Variants in MUC4 observed in about 807,000 individuals in gnomAD.
MUC4 encodes mucin-4.
Under a neutral mutation model 257.9 loss-of-function variants are expected in MUC4, and 202 were observed. That is an observed-to-expected ratio of 0.78 (90% CI 0.70 to 0.88). The LOEUF (loss-of-function observed/expected upper bound fraction) is 0.88. Among genes scored for constraint, MUC4 ranks in the 40% least tolerant of loss-of-function variants. The pLI, the probability that MUC4 is intolerant of heterozygous loss-of-function variation, is 0.00. For synonymous variants in MUC4, 2,351 were observed against 2,757.1 expected (o/e 0.85, Z 4.62); for missense variants, 5,976 against 6,513.7 (o/e 0.92, Z 2.84).
chr3:195,807,729 T>G lies in MUC4; in HGVS notation c.82+4007A>C, dbSNP rs149588544. Among the ~76,000 whole-genome samples, 241 of 152,320 alleles carry G rather than the reference T, an allele frequency of 1.6e-3. 1 individual carries two copies. The highest frequency in any genetic ancestry group is 3.8e-3 in the Admixed American group (58 of 15,296). ...CTCTGTGAGCTACACGATGTGCATA[T>G]TTTAAGCACTTAACAGCACCGTGAA... On this transcript the variant is annotated intron_variant, in intron 1 of 24. Transcript: ENST00000463781.
At chr3:195,763,027 G>A (rs1237460768) in intron 12 of MUC4, 82 bp from the exon 13 acceptor site, 1 of 1,167,170 alleles carries the variant, frequency 8.6e-7, no homozygotes, top group Non-Finnish European at 1.2e-6. Context: ...AGCCCCTGGG[G>A]CTGGAAGCTG....
At chr3:195,773,433 C>G (rs1346068657) in intron 4 of MUC4, among the ~76,000 whole-genome samples, 2 of 151,158 alleles carry the variant, frequency 1.3e-5, no homozygotes, top group African/African-American at 4.9e-5. Context: ...ACCTCTCTCT[C>G]ACTCAGCAGG....
intron 1 of MUC4, among the ~76,000 whole-genome samples, chr3:195,806,342 C>G (rs1415500413): frequency 4.6e-5 from 7 of 152,202 alleles, no homozygotes; most frequent in African/African-American, 1.7e-4. Context: ...TCACAGGGCC[C>G]TTCCTGACTT....
At chr3:195,776,008 A>C in intron 3 of MUC4, among the ~76,000 whole-genome samples, 1 of 42,728 alleles carries the variant, frequency 2.3e-5, no homozygotes, top group Admixed American at 1.9e-4. Flanking sequence ...TACCTTCCAC[A>C]CCCATACCTT....
intron 4 of MUC4, 36 bp downstream of exon 4, chr3:195,774,136 G>A (rs761508584): frequency 1.9e-6 from 3 of 1,570,658 alleles, no homozygotes; most frequent in Non-Finnish European, 2.6e-6. Flanking sequence ...GTGGGCCCTG[G>A]GAGTTCAGGC....
In MUC4 at chr3:195,788,797, G is replaced by C. The variant is rs1560395321; in HGVS notation, c.2783C>G (p.Ala928Gly). The C allele has an allele frequency of 6.2e-7, 1 of 1,613,942 alleles. No individual in the cohort carries two copies. Among genetic ancestry groups the C allele is most frequent in the South Asian group, 1.1e-5 (1 of 91,084 alleles). ...GSDTISLASQ[A>G]TDTFSTVPPT... is the part of the protein sequence containing the mutation. ...TGGGACTGTTGAGAAGGTGTCGGTT[G>C]CCTGGGACGCCAGGCTGATAGTGTC... The change falls in exon 2 of 25, where the codon GCA becomes GGA. Residue 928 changes from alanine to glycine, a missense_variant. Coordinates refer to ENST00000463781, the MANE Select transcript of MUC4 (RefSeq NM_018406.7).
At position 195,789,921 on chromosome 3, in the gene MUC4, T is replaced by C; in HGVS notation, c.1659A>G (p.Thr553=). The change falls in exon 2 of 25, where the codon ACA becomes ACG. Residue 553 remains threonine, a synonymous_variant. Coordinates refer to ENST00000463781, the MANE Select transcript of MUC4 (RefSeq NM_018406.7). The stretch of plus-strand genomic sequence containing the variant: ...CTGCCCCTGTTGTTTTTGGGAGAGT[T>C]GTGCTGTGGGAGGAGTATGTGGTGG... ...GEPTTYSSHS[T]TLPKTTGAGA... 1 of 1,613,932 alleles carries C rather than the reference T, an allele frequency of 6.2e-7. No individual in the cohort carries two copies. Among genetic ancestry groups the C allele is most frequent in the Non-Finnish European group, 8.5e-7 (1 of 1,179,874 alleles).
At chr3:195,751,968 G>A (rs745573460) in intron 21 of MUC4, 1 of 239,958 alleles carries the variant, frequency 4.2e-6, no homozygotes, top group African/African-American at 2.2e-5. Flanking sequence ...GGGTGTGCAG[G>A]ATTCTACAGC....
chr3:195,767,602 ATCACCATTG>A lies in MUC4; in HGVS notation c.13530-860_13530-852del, dbSNP rs1721222809. 6.5e-5 allele frequency among the ~76,000 whole-genome samples: 7 copies of A among 106,892 alleles called. 2 individuals carry two copies. The highest frequency in any genetic ancestry group is 1.3e-4 in the African/African-American group (3 of 23,468). 70.1% of individuals were successfully genotyped at this position (106,892 alleles called of 152,430 possible). ...CACCACCATCACCACCACCACCATC[ATCACCATTG>A]CCACCACCATCACCACCATCACCAC... On this transcript the variant is annotated intron_variant, in intron 7 of 24. Transcript: ENST00000463781.
chr3:195,760,659 G>A (rs73892863), intron 16 of MUC4, among the ~76,000 whole-genome samples: 5,710 of 134,240 alleles, frequency 0.043, 737 homozygotes, highest in African/African-American at 0.21. Flanking sequence ...CTGGGAAGGC[G>A]TCCAGCACTA....
chr3:195,794,759 T>C (rs1560410138), intron 1 of MUC4, among the ~76,000 whole-genome samples: 1 of 152,232 alleles, frequency 6.6e-6, no homozygotes, highest in Non-Finnish European at 1.5e-5. Flanking sequence ...CTTTCTGGAA[T>C]TGACTGTAAT....
Position 195,759,301 on chromosome 3 carries a change from A to G in MUC4, c.14849-40T>C, listed in dbSNP as rs770597754. 28 of 1,605,706 alleles carry G rather than the reference A, an allele frequency of 1.7e-5. No individual in the cohort carries two copies. In the African/African-American group the frequency reaches 3.5e-4, roughly 20 times the overall value. ...GGGAATGGGGGTTCCGAGGCAGGAC[A>G]GTCTCCTGCTTTATCAGCCTCCTCT... On this transcript the variant is annotated intron_variant, in intron 16 of 24. Transcript: ENST00000463781.
At chr3:195,802,738 G>A (rs932163860) in intron 1 of MUC4, among the ~76,000 whole-genome samples, 11 of 152,204 alleles carry the variant, frequency 7.2e-5, no homozygotes, top group Admixed American at 2.0e-4. Flanking sequence ...GTCTGTGTGC[G>A]TGGCAGGGTG....
At position 195,769,134 on chromosome 3, in the gene MUC4, T is replaced by C. The variant is rs147627958; in HGVS notation, c.13417A>G (p.Ile4473Val). The stretch of plus-strand genomic sequence containing the variant: ...GACCTGCTCCCGTCCGTGGAGAGGA[T>C]GGCTTGGTAGGTGTTGCTCTGGGGG... The part of the protein sequence containing the change: ...WTLGSNTYQA[I>V]LSTDGSRSYA... Residue 4473 changes from isoleucine to valine, a missense_variant, in exon 7 of 25, where the codon ATC (isoleucine) becomes GTC (valine). Ile to Val is a conservative substitution (Grantham distance 29). Coordinates refer to ENST00000463781, the MANE Select transcript of MUC4 (RefSeq NM_018406.7). 2.5e-4 allele frequency: 402 copies of C among 1,614,104 alleles called. No homozygotes were observed. Among genetic ancestry groups the C allele is most frequent in the Non-Finnish European group, 3.2e-4 (373 of 1,179,986 alleles).
chr3:195,791,189 G>A lies in MUC4; in HGVS notation c.391C>T (p.Leu131Phe), dbSNP rs773453788. ...GTTATAGTCTTTGATGTCATCATGA[G>A]TGTGTTGGTGACACTGGAGGGAAAT... ...TSFPSSVTNT[L>F]MMTSKTITMT... The change falls in exon 2 of 25, where the codon CTC (leucine) becomes TTC (phenylalanine). Residue 131 changes from leucine (L) to phenylalanine (F), a missense_variant. By Grantham distance (22) the Leu-to-Phe change is conservative. Transcript: ENST00000463781. The A allele has an allele frequency of 3.3e-5, 53 of 1,613,820 alleles. No individual in the cohort carries two copies. The highest frequency in any genetic ancestry group is 4.1e-5 in the Non-Finnish European group (48 of 1,179,884).
intron 1 of MUC4, among the ~76,000 whole-genome samples, chr3:195,811,199 A>C (rs1736688155): frequency 6.8e-6 from 1 of 147,942 alleles, no homozygotes; most frequent in Non-Finnish European, 1.5e-5. Context: ...TTTGAGACAG[A>C]GTCTCGCTCT....
chr3:195,762,310 A>G (rs1449457071), intron 13 of MUC4, 56 bp from the exon 14 acceptor site: 12 of 1,505,818 alleles, frequency 8.0e-6, no homozygotes, highest in Non-Finnish European at 2.7e-6. Context: ...GGCCCGCACC[A>G]AACCCGCGCC....
In MUC4 at chr3:195,746,925, C is replaced by T. The variant is rs1715148850; in HGVS notation, c.*251G>A. 1.6e-6 allele frequency: 1 copy of T among 606,208 alleles called. No individual in the cohort carries two copies. Among genetic ancestry groups the T allele is most frequent in the African/African-American group, 1.8e-5 (1 of 54,138 alleles). 37.6% of individuals were successfully genotyped at this position (606,208 alleles called of 1,614,324 possible). On this transcript the variant is annotated 3_prime_UTR_variant, in exon 25 of 25. Coordinates refer to ENST00000463781, the MANE Select transcript of MUC4 (RefSeq NM_018406.7). ...GTGTGTGCACGCGCGCGTGCACAGGCTAGTGTCCTTCTGTGGGTGTGTCTG... is the reference window on the plus strand; with the variant it reads ...GTGTGTGCACGCGCGCGTGCACAGGTTAGTGTCCTTCTGTGGGTGTGTCTG...
rs765390640 is a variant in MUC4 at position 195,790,507 on chromosome 3, C to T, written c.1073G>A (p.Gly358Glu). ...TTSTVLSSPS[G>E]FNPSGTVSQE... ...AGAAACTGTTCCACTTGGGTTGAAT[C>T]CACTTGGTGAGGATAAAACAGTTGA... The change falls in exon 2 of 25, where the codon GGA (glycine) becomes GAA (glutamate). Residue 358 changes from glycine (G) to glutamate (E), a missense_variant. Transcript: ENST00000463781. The T allele has an allele frequency of 8.7e-6, 14 of 1,613,870 alleles. No homozygotes were observed. The highest frequency in any genetic ancestry group is 1.1e-5 in the Non-Finnish European group (13 of 1,179,890).
Sources: gnomAD v4.1 joint callset for allele counts (sites outside exome capture counted in the v4.1 genomes callset) on GRCh38, gnomAD v4.1.1 for gene constraint, MANE v1.5 for transcripts, NCBI Gene and HGNC (gene_info 2026-07-23, HGNC 2026-07-21) for gene names.